The following FUBP1 variants were observed in gnomAD, a reference collection of about 807,000 sequenced individuals.
The protein encoded by FUBP1 is far upstream element binding protein 1.
FUBP1 carries 16 observed loss-of-function variants against 94.9 expected under a neutral mutation model. The ratio of observed to expected loss-of-function variants is 0.17; its 90% CI spans 0.11 to 0.26. The LOEUF (loss-of-function observed/expected upper bound fraction) is 0.26, where lower values mean the gene tolerates loss of function less well. Ranked by LOEUF, FUBP1 falls within the 10% of genes least tolerant of loss-of-function variation. FUBP1 has a pLI of 1.00. For missense variants in FUBP1, 583 were observed against 808.6 expected (o/e 0.72, Z 3.38); for synonymous variants, 279 against 254.9 (o/e 1.09, Z -0.90).
chr1:77,973,024 A>C (rs889558120), intron 1 of FUBP1, among the ~76,000 whole-genome samples: 5 of 151,814 alleles, frequency 3.3e-5, no homozygotes, highest in Non-Finnish European at 7.4e-5. Flanking sequence ...AAAAAAAAAA[A>C]AAAACTGAAA....
chr1:77,959,796 G>A (rs1313095657), intron 16 of FUBP1, among the ~76,000 whole-genome samples: 1 of 152,182 alleles, frequency 6.6e-6, no homozygotes, highest in South Asian at 2.1e-4. Flanking sequence ...TTACAGACGT[G>A]AGCCTCAGTG....
chr1:77,959,424 T>A (rs1289492461), intron 16 of FUBP1, among the ~76,000 whole-genome samples: 1 of 152,206 alleles, frequency 6.6e-6, no homozygotes, highest in Non-Finnish European at 1.5e-5. Context: ...TTTACTCACA[T>A]GAAGTTGTCA....
At chr1:77,975,267 C>G (rs1194674399) in intron 1 of FUBP1, among the ~76,000 whole-genome samples, 1 of 152,078 alleles carries the variant, frequency 6.6e-6, no homozygotes, top group East Asian at 1.9e-4. Context: ...TTAGTAGTTC[C>G]CATACACCAG....
At chr1:77,953,638 C>A (rs868479191) in intron 18 of FUBP1, among the ~76,000 whole-genome samples, 1 of 151,846 alleles carries the variant, frequency 6.6e-6, no homozygotes, top group Non-Finnish European at 1.5e-5. Context: ...TGTTTTCCTA[C>A]AGAGGATTCA....
chr1:77,960,788 T>G, intron 14 of FUBP1: 1 of 280,570 alleles, frequency 3.6e-6, no homozygotes, highest in Non-Finnish European at 6.7e-6. Flanking sequence ...GTAGTTCCCT[T>G]TCCTTTTATC....
Position 77,978,930 on chromosome 1 carries a change from TCCACCACCACCGCCG to T in FUBP1, c.60_74del (p.Gly22_Gly26del). On this transcript the variant is annotated inframe_deletion, in exon 1 of 20. Coordinates refer to ENST00000370768, the MANE Select transcript of FUBP1 (RefSeq NM_003902.5). ...CATCTTTGAAAGCGTCGTTAACTCC[TCCACCACCACCGCCG>T]CCACCACCGCCACCAGCTGAGCCAG... 5 of 1,613,600 alleles carry T rather than the reference TCCACCACCACCGCCG, an allele frequency of 3.1e-6. No homozygotes were observed. Among genetic ancestry groups the T allele is most frequent in the Non-Finnish European group, 4.2e-6 (5 of 1,179,766 alleles).
chr1:77,978,852 C>T (rs2102560759), intron 1 of FUBP1, 33 bp downstream of exon 1: 1 of 1,613,280 alleles, frequency 6.2e-7, no homozygotes, highest in Non-Finnish European at 8.5e-7. Flanking sequence ...TTACCGTGAG[C>T]TTTCGGGATT....
At chr1:77,955,356 A>T in intron 17 of FUBP1, 27 bp from the exon 18 acceptor site, 1 of 1,458,392 alleles carries the variant, frequency 6.9e-7, no homozygotes, top group Non-Finnish European at 9.6e-7. Flanking sequence ...AAAACAAAAA[A>T]CAGAATTAAA....
At chr1:77,965,925 G>A (rs1044562752) in intron 7 of FUBP1, among the ~76,000 whole-genome samples, 6 of 152,160 alleles carry the variant, frequency 3.9e-5, no homozygotes, top group African/African-American at 9.7e-5. Context: ...GGCATGCACC[G>A]GTAGTCCCAG....
rs529019628 is a variant in FUBP1, at chr1:77,967,428, C to G, written c.290+199G>C. 3.9e-5 allele frequency among the ~76,000 whole-genome samples: 6 copies of G among 152,258 alleles called. No individual in the cohort carries two copies. The East Asian group carries it at 1.2e-3, about 29-fold the overall frequency. ...TTCTTCTAAAATGTGGTTAATTCCA[C>G]CTATCTCTCCAAATCACAAATTTTT... On this transcript the variant is annotated intron_variant, in intron 4 of 19. Transcript: ENST00000370768.
intron 13 of FUBP1, among the ~76,000 whole-genome samples, chr1:77,963,175 GATT>G (rs1258349153): frequency 1.3e-5 from 2 of 152,132 alleles, no homozygotes; most frequent in African/African-American, 2.4e-5. Flanking sequence ...AACTTAATGT[GATT>G]ATAATAAAAT....
chr1:77,972,937 G>A (rs970515935), intron 1 of FUBP1, among the ~76,000 whole-genome samples: 1 of 150,712 alleles, frequency 6.6e-6, no homozygotes, highest in African/African-American at 2.4e-5. Flanking sequence ...TGCAGCCCCA[G>A]CTACTTCAGA....
Position 77,948,697 on chromosome 1 carries a change from C to G in FUBP1, c.*69G>C. 2 of 1,561,532 alleles carry G rather than the reference C, an allele frequency of 1.3e-6. No homozygotes were observed. Among genetic ancestry groups the G allele is most frequent in the Non-Finnish European group, 1.7e-6 (2 of 1,161,514 alleles). On this transcript the variant is annotated 3_prime_UTR_variant, in exon 20 of 20. Coordinates refer to ENST00000370768, the MANE Select transcript of FUBP1 (RefSeq NM_003902.5). ...ATTAAGATCTTCATCAAGTCGTCTG[C>G]ATCCATATATTTAACAAAGGTTTTT... is the stretch of plus-strand genomic sequence containing the variant.
At position 77,966,051 on chromosome 1, in the gene FUBP1, G is replaced by A. The variant is rs552781633; in HGVS notation, c.473+643C>T. ...AAAGAAAAAACCTAGTAATGAGGGA[G>A]AACTAACAATGCAGAAGAAAGTACA... On this transcript the variant is annotated intron_variant, in intron 7 of 19. Coordinates refer to ENST00000370768, the MANE Select transcript of FUBP1 (RefSeq NM_003902.5). Among the ~76,000 whole-genome samples the A allele has an allele frequency of 5.9e-5, 9 of 152,252 alleles. No homozygotes were observed. In the South Asian group the frequency reaches 1.7e-3, roughly 28 times the overall value.
chr1:77,948,459 T>C lies in FUBP1; in HGVS notation c.*307A>G. 1 of 1,169,814 alleles carries C rather than the reference T, an allele frequency of 8.5e-7. No individual in the cohort carries two copies. Among genetic ancestry groups the C allele is most frequent in the Non-Finnish European group, 1.1e-6 (1 of 946,684 alleles). 72.5% of individuals were successfully genotyped at this position (1,169,814 alleles called of 1,614,324 possible). A position where few individuals can be genotyped will look rare whatever the true frequency, so the allele number is the denominator to read the frequency against. Reference sequence around the variant, plus strand: ...AAAACAGGCATTTTAAAAGTGAAAGTATACATTGAAAAAGTACATTTATAT... The same window carrying C: ...AAAACAGGCATTTTAAAAGTGAAAGCATACATTGAAAAAGTACATTTATAT... On this transcript the variant is annotated 3_prime_UTR_variant, in exon 20 of 20. Coordinates refer to ENST00000370768, the MANE Select transcript of FUBP1 (RefSeq NM_003902.5).
In FUBP1 at chr1:77,962,804, T is replaced by G; in HGVS notation, c.1310A>C (p.Asp437Ala). 1.2e-6 allele frequency: 2 copies of G among 1,612,360 alleles called. No homozygotes were observed. Among genetic ancestry groups the G allele is most frequent in the Non-Finnish European group, 1.7e-6 (2 of 1,178,664 alleles). The change falls in exon 14 of 20, where the codon GAC becomes GCC. Residue 437 changes from aspartate (D) to alanine (A), a missense_variant. Transcript: ENST00000370768. ...FTIRGTPQQIDYARQLIEEKI... is the reference protein window; with the variant it reads ...FTIRGTPQQIAYARQLIEEKI... The stretch of plus-strand genomic sequence containing the variant: ...TTCTTCTATGAGTTGCCGAGCATAG[T>G]CTATCTGTTGTGGAGTGCCACGAAT...
intron 1 of FUBP1, among the ~76,000 whole-genome samples, chr1:77,971,568 C>A (rs776807096): frequency 2.0e-5 from 3 of 152,086 alleles, no homozygotes; most frequent in Admixed American, 2.0e-4. Context: ...CAACATGGAT[C>A]ACTTAAGTCT....
Position 77,965,203 on chromosome 1 carries a change from C to T in FUBP1, c.502G>A (p.Val168Ile). 2 of 1,608,664 alleles carry T rather than the reference C, an allele frequency of 1.2e-6. No individual in the cohort carries two copies. Among genetic ancestry groups the T allele is most frequent in the African/African-American group, 1.3e-5 (1 of 74,954 alleles). Residue 168 changes from valine to isoleucine, a missense_variant, in exon 8 of 20, where the codon GTT becomes ATT. Coordinates refer to ENST00000370768, the MANE Select transcript of FUBP1 (RefSeq NM_003902.5). ...QSAKRLLDQI[V>I]EKGRPAPGFH... Reference sequence around the variant, plus strand: ...CCAGGAGCTGGTCTTCCTTTTTCAACAATCTGGTCCAGTAACCGTTTTGCT... The same window carrying T: ...CCAGGAGCTGGTCTTCCTTTTTCAATAATCTGGTCCAGTAACCGTTTTGCT...
intron 6 of FUBP1, 44 bp from the exon 7 acceptor site, chr1:77,966,795 A>G (rs759220301): frequency 1.5e-6 from 2 of 1,355,962 alleles, no homozygotes; most frequent in Admixed American, 3.5e-5. Flanking sequence ...AAAAGATTAA[A>G]AGTAGCATTA....
Sources: gnomAD v4.1 joint callset for allele counts (sites outside exome capture counted in the v4.1 genomes callset) on GRCh38, gnomAD v4.1.1 for gene constraint, MANE v1.5 for transcripts, NCBI Gene and HGNC (gene_info 2026-07-23, HGNC 2026-07-21) for gene names.